CELA2B: variants seen among roughly 807,000 people sequenced by gnomAD.
CELA2B encodes chymotrypsin like elastase 2B, also known as chymotrypsin-like elastase family member 2B.
CELA2B carries 27 observed loss-of-function variants against 36.5 expected under a neutral mutation model. The ratio of observed to expected loss-of-function variants is 0.74; its 90% confidence interval spans 0.55 to 1.02. CELA2B has a LOEUF of 1.02. Ranked by LOEUF, CELA2B falls within the 50% of genes least tolerant of loss-of-function variation. The pLI, the probability that CELA2B is intolerant of heterozygous loss-of-function variation, is 0.00. For missense variants in CELA2B, 340 were observed against 347.8 expected (o/e 0.98, Z 0.18); for synonymous variants, 143 against 148.5 (o/e 0.96, Z 0.27).
chr1:15,485,436 A>T (rs1252009629), intron 5 of CELA2B, among the ~76,000 whole-genome samples: 1 of 152,230 alleles, frequency 6.6e-6, no homozygotes, highest in Non-Finnish European at 1.5e-5. Context: ...GGAAATTGTT[A>T]TAAGGATTTA....
At chr1:15,484,919 A>G (rs1708785860) in intron 5 of CELA2B, among the ~76,000 whole-genome samples, 1 of 150,272 alleles carries the variant, frequency 6.7e-6, no homozygotes, top group Non-Finnish European at 1.5e-5. Context: ...TTTTTTTGAG[A>G]CAGAGTCTTG....
At chr1:15,482,136 CA>C (rs1708748810) in intron 3 of CELA2B, 128 bp from the exon 4 acceptor site, 1 of 1,090,876 alleles carries the variant, frequency 9.2e-7, no homozygotes, top group Non-Finnish European at 1.3e-6. Context: ...CTGACTGTCC[CA>C]GGGGAGGAAA....
intron 7 of CELA2B, among the ~76,000 whole-genome samples, chr1:15,488,180 A>G (rs533027577): frequency 7.8e-4 from 119 of 152,308 alleles, no homozygotes; most frequent in African/African-American, 2.8e-3. Context: ...TGAGCCCAGG[A>G]GTTCAAGAGC....
At chr1:15,480,133 C>A (rs1708721663) in intron 2 of CELA2B, among the ~76,000 whole-genome samples, 1 of 152,052 alleles carries the variant, frequency 6.6e-6, no homozygotes, top group South Asian at 2.1e-4. Flanking sequence ...GAATGATCAT[C>A]GAGAAGAGAG....
In CELA2B at chr1:15,481,164, AGCTGGGTCCTGACG is replaced by A; in HGVS notation, c.201_214del (p.Trp67CysfsTer18). 1 of 1,614,096 alleles carries A rather than the reference AGCTGGGTCCTGACG, an allele frequency of 6.2e-7. No individual in the cohort carries two copies. Among genetic ancestry groups the A allele is most frequent in the Non-Finnish European group, 8.5e-7 (1 of 1,180,026 alleles). On this transcript the variant is annotated frameshift_variant, in exon 3 of 8. Transcript: ENST00000375910. LOFTEE classifies it high-confidence loss of function. ...CTGCGGAGGGTCCCTGATAGCCAAC[AGCTGGGTCCTGACG>A]GCTGCCCACTGCATCAGGTAACTGC... is the stretch of plus-strand genomic sequence containing the variant.
intron 5 of CELA2B, among the ~76,000 whole-genome samples, chr1:15,485,585 T>C (rs768300855): frequency 6.6e-6 from 1 of 152,214 alleles, no homozygotes; most frequent in Non-Finnish European, 1.5e-5. Context: ...CTTCTGCACA[T>C]AGAAGAAAAT....
intron 6 of CELA2B, 28 bp from the exon 7 acceptor site, chr1:15,487,257 A>G: frequency 6.2e-7 from 1 of 1,608,900 alleles, no homozygotes; most frequent in Non-Finnish European, 8.5e-7. Flanking sequence ...CTCCCACTTC[A>G]ACTCCCTATA....
At position 15,483,307 on chromosome 1, in the gene CELA2B, A is replaced by C. The variant is rs1708765008; in HGVS notation, c.400A>C (p.Thr134Pro). ...LLKLANPVSL[T>P]DKIQLACLPP... ...CAAACTGGCTAACCCCGTCTCCCTC[A>C]CCGACAAGATCCAGCTGGCCTGCCT... The change falls in exon 5 of 8, where the codon ACC (threonine) becomes CCC (proline). Residue 134 changes from threonine (T) to proline (P), a missense_variant. Thr to Pro is a conservative substitution (Grantham distance 38). Coordinates refer to ENST00000375910, the MANE Select transcript of CELA2B (RefSeq NM_015849.3). 6.8e-6 allele frequency: 11 copies of C among 1,613,900 alleles called. No individual in the cohort carries two copies. In the East Asian group the frequency reaches 2.5e-4, roughly 36 times the overall value.
intron 1 of CELA2B, 123 bp from the exon 2 acceptor site, chr1:15,476,330 ATTTT>A: frequency 7.2e-7 from 1 of 1,391,520 alleles, no homozygotes. Context: ...AAACAGAAGG[ATTTT>A]ATGACCTCTT....
intron 4 of CELA2B, among the ~76,000 whole-genome samples, 175 bp downstream of exon 4, chr1:15,482,568 G>A (rs1708756270): frequency 6.6e-6 from 1 of 152,136 alleles, no homozygotes; most frequent in African/African-American, 2.4e-5. Context: ...GGGTGGGGAT[G>A]TGACCTGGGG....
chr1:15,489,179 T>A (rs1460684546), intron 7 of CELA2B, among the ~76,000 whole-genome samples: 1 of 152,188 alleles, frequency 6.6e-6, no homozygotes, highest in Non-Finnish European at 1.5e-5. Flanking sequence ...CCTGGCAGCA[T>A]CCTGGGGACC....
At chr1:15,481,405 C>T (rs957725535) in intron 3 of CELA2B, among the ~76,000 whole-genome samples, 4 of 152,206 alleles carry the variant, frequency 2.6e-5, no homozygotes, top group African/African-American at 7.2e-5. Context: ...CTGTGCCAGG[C>T]AGGCACTGAG....
intron 4 of CELA2B, 118 bp from the exon 5 acceptor site, chr1:15,483,146 G>T: frequency 6.7e-7 from 1 of 1,493,228 alleles, no homozygotes; most frequent in South Asian, 1.3e-5. Flanking sequence ...GGGCCCTGCC[G>T]GTCAGAGCAA....
chr1:15,489,300 A>T (rs1006320181), intron 7 of CELA2B, among the ~76,000 whole-genome samples: 3 of 152,228 alleles, frequency 2.0e-5, no homozygotes, highest in African/African-American at 4.8e-5. Flanking sequence ...GCCAGATCCC[A>T]AAGCATGGCC....
At chr1:15,491,012 C>T (rs114738079) in intron 7 of CELA2B, 1 of 445,458 alleles carries the variant, frequency 2.2e-6, no homozygotes. Flanking sequence ...GCACATTTGG[C>T]ATATAATTTT....
At chr1:15,478,269 G>T (rs1708697347) in intron 2 of CELA2B, among the ~76,000 whole-genome samples, 1 of 151,544 alleles carries the variant, frequency 6.6e-6, no homozygotes. Context: ...GTTAGACAGA[G>T]TTTTGCTCTT....
chr1:15,488,301 C>T (rs1230605382), intron 7 of CELA2B, among the ~76,000 whole-genome samples: 2 of 152,004 alleles, frequency 1.3e-5, no homozygotes, highest in South Asian at 2.1e-4. Flanking sequence ...GTGGAAGGAT[C>T]GCTTTGGCCC....
chr1:15,489,347 C>T (rs578260775), intron 7 of CELA2B, among the ~76,000 whole-genome samples: 28 of 152,346 alleles, frequency 1.8e-4, no homozygotes, highest in Middle Eastern at 3.4e-3. Context: ...GCACGCCTCC[C>T]GAGGCAGCTG....
intron 2 of CELA2B, among the ~76,000 whole-genome samples, chr1:15,479,227 G>A (rs11581917): frequency 0.24 from 36,956 of 151,982 alleles, 5,133 homozygotes; most frequent in African/African-American, 0.37. Flanking sequence ...TCACAAAAAC[G>A]AGAAATGCCC....
Sources: gnomAD v4.1 joint callset for allele counts (sites outside exome capture counted in the v4.1 genomes callset) on GRCh38, gnomAD v4.1.1 for gene constraint, MANE v1.5 for transcripts, NCBI Gene and HGNC (gene_info 2026-07-23, HGNC 2026-07-21) for gene names.